The following OTOG variants were observed in gnomAD, a reference collection of about 807,000 sequenced individuals.
OTOG encodes the protein otogelin.
OTOG carries 296 observed loss-of-function variants against 313.8 expected under a neutral mutation model. The observed-to-expected ratio is 0.94, with a 90% CI of 0.86 to 1.04. The LOEUF (loss-of-function observed/expected upper bound fraction) is 1.04. OTOG is among the 50% of genes least tolerant of loss of function. The pLI, the probability that OTOG is intolerant of heterozygous loss-of-function variation, is 0.00. For synonymous variants in OTOG, 1,533 were observed against 1,554.9 expected (o/e 0.99, Z 0.33); for missense variants, 3,948 against 3,840.1 (o/e 1.03, Z -0.74).
chr11:17,547,670 A>G, intron 1 of OTOG: 1 of 990,580 alleles, frequency 1.0e-6, no homozygotes, highest in Non-Finnish European at 1.3e-6. Flanking sequence ...GAAAGAGTCC[A>G]AAGTTAGGCT....
Position 17,548,212 on chromosome 11 carries a change from G to T in OTOG, c.216G>T (p.Gln72His). 6.5e-7 allele frequency: 1 copy of T among 1,545,956 alleles called. No individual in the cohort carries two copies. The highest frequency in any genetic ancestry group is 8.7e-7 in the Non-Finnish European group (1 of 1,144,394). The change falls in exon 3 of 56, where the codon CAG becomes CAT. Residue 72 changes from glutamine to histidine, a missense_variant and splice_region_variant. Coordinates refer to ENST00000399397, the MANE Select transcript of OTOG (RefSeq NM_001292063.2). ...MGDKATVVGG[Q>H]QAEAPDSVAM... Reference sequence around the variant, plus strand: ...ACAAGGCTACAGTCGTGGGAGGCCAGGTAAGGGAGGTCTTGGGAGGGGGCT... The same window carrying T: ...ACAAGGCTACAGTCGTGGGAGGCCATGTAAGGGAGGTCTTGGGAGGGGGCT...
In OTOG at chr11:17,548,033, G is replaced by A. The variant is rs1041426693; in HGVS notation, c.155+46G>A. 7.8e-5 allele frequency: 88 copies of A among 1,130,256 alleles called. 1 individual carries two copies. Among genetic ancestry groups the A allele is most frequent in the Admixed American group, 6.3e-4 (22 of 34,972 alleles). 70.0% of individuals were successfully genotyped at this position (1,130,256 alleles called of 1,614,324 possible). A position where few individuals can be genotyped will look rare whatever the true frequency, so the allele number is the denominator to read the frequency against. On this transcript the variant is annotated intron_variant, in intron 2 of 55. Transcript: ENST00000399397. ...GCGGCCCCACCCACAGCTCCCATCCGTATTTCTGGCATCAGCGACCCCAGG... is the reference window on the plus strand; with the variant it reads ...GCGGCCCCACCCACAGCTCCCATCCATATTTCTGGCATCAGCGACCCCAGG...
At chr11:17,562,693 G>T (rs952884200) in intron 15 of OTOG, among the ~76,000 whole-genome samples, 3 of 152,194 alleles carry the variant, frequency 2.0e-5, no homozygotes, top group African/African-American at 7.2e-5. Flanking sequence ...ATCATGGAGT[G>T]GGCCTCAGTG....
intron 54 of OTOG, 115 bp from the exon 55 acceptor site, chr11:17,645,449 T>C: frequency 1.1e-6 from 1 of 944,024 alleles, no homozygotes; most frequent in Admixed American, 2.4e-5. Context: ...GCATGGGTGC[T>C]AATGCTGGAA....
At position 17,642,124 on chromosome 11, in the gene OTOG, C is replaced by T. The variant is rs1278728991; in HGVS notation, c.8296-3C>T. 1.3e-6 allele frequency: 2 copies of T among 1,540,352 alleles called. No individual in the cohort carries two copies. The highest frequency in any genetic ancestry group is 2.0e-5 in the Admixed American group (1 of 50,588). ...TCCCATTACCTACTTCTGTGCCCTC[C>T]AGCCCGGGGCATCCTGGATCGCAGA... On this transcript the variant is annotated splice_region_variant and splice_polypyrimidine_tract_variant and intron_variant, in intron 52 of 55. Coordinates refer to ENST00000399397, the MANE Select transcript of OTOG (RefSeq NM_001292063.2).
intron 7 of OTOG, 142 bp from the exon 8 acceptor site, chr11:17,556,976 G>A (rs893687134): frequency 1.9e-5 from 15 of 774,410 alleles, no homozygotes; most frequent in African/African-American, 8.7e-5. Flanking sequence ...ATACTTCCAG[G>A]CACCTGGGAA....
intron 42 of OTOG, among the ~76,000 whole-genome samples, chr11:17,633,265 G>A (rs1262447458): frequency 6.6e-6 from 1 of 152,196 alleles, no homozygotes; most frequent in Non-Finnish European, 1.5e-5. Flanking sequence ...AATCAAGAAA[G>A]TTTGAAAACA....
chr11:17,570,569 A>T, intron 17 of OTOG, 179 bp downstream of exon 17: 2 of 631,974 alleles, frequency 3.2e-6, no homozygotes, highest in South Asian at 4.3e-5. Context: ...AGCGGTTCAC[A>T]GTCCTCTATG....
chr11:17,612,114 G>T, intron 36 of OTOG, 48 bp from the exon 37 acceptor site: 2 of 1,544,014 alleles, frequency 1.3e-6, no homozygotes, highest in Non-Finnish European at 8.7e-7. Flanking sequence ...TGCAGGGTGG[G>T]CTGTAGCTCC....
chr11:17,640,967 CAGT>C lies in OTOG; in HGVS notation c.8067_8069del (p.Val2691del). The C allele has an allele frequency of 1.3e-6, 2 of 1,548,554 alleles. No homozygotes were observed. The highest frequency in any genetic ancestry group is 1.4e-5 in the African/African-American group (1 of 73,180). ...CTGGGTGTGATGCAGCCCGGCCAGA[CAGT>C]GGTGGAGCTCTCAGCAGATGGCGTG... On this transcript the variant is annotated inframe_deletion, in exon 51 of 56. Coordinates refer to ENST00000399397, the MANE Select transcript of OTOG (RefSeq NM_001292063.2).
chr11:17,559,014 G>T (rs1281105255), intron 10 of OTOG, 38 bp from the exon 11 acceptor site: 21 of 1,498,606 alleles, frequency 1.4e-5, no homozygotes, highest in Non-Finnish European at 1.8e-5. Context: ...TGGCACTTTG[G>T]GTTTTGTTCC....
chr11:17,612,033 G>A (rs866919394), intron 36 of OTOG, 129 bp from the exon 37 acceptor site: 11 of 1,131,786 alleles, frequency 9.7e-6, no homozygotes, highest in Middle Eastern at 4.0e-4. Flanking sequence ...GGGGGTGAGG[G>A]CCTCTTTCCC....
At chr11:17,598,564 C>T (rs1853167960) in intron 30 of OTOG, among the ~76,000 whole-genome samples, 1 of 152,152 alleles carries the variant, frequency 6.6e-6, no homozygotes, top group Non-Finnish European at 1.5e-5. Context: ...CAGGCCCTGG[C>T]AGGTCTATGG....
Position 17,561,083 on chromosome 11 carries a change from T to C in OTOG, c.1452-8T>C. The C allele has an allele frequency of 6.4e-7, 1 of 1,550,582 alleles. No homozygotes were observed. Among genetic ancestry groups the C allele is most frequent in the Non-Finnish European group, 8.7e-7 (1 of 1,146,968 alleles). ...TGACCTCTTGCCTCCTTGGTCTCTG[T>C]GTTTTAGCACATGCACCTCAGGCAA... is the stretch of plus-strand genomic sequence containing the variant. On this transcript the variant is annotated splice_polypyrimidine_tract_variant and splice_region_variant and intron_variant, in intron 13 of 55. Transcript: ENST00000399397.
At position 17,560,616 on chromosome 11, in the gene OTOG, A is replaced by G; in HGVS notation, c.1343-93A>G. The stretch of plus-strand genomic sequence containing the variant: ...TCGGTTCAGAGATGAAAGAAGTTAG[A>G]TAAGGGGATCTTTATCAGAGGCCCT... On this transcript the variant is annotated intron_variant, in intron 12 of 55. Coordinates refer to ENST00000399397, the MANE Select transcript of OTOG (RefSeq NM_001292063.2). 5.7e-6 allele frequency: 5 copies of G among 878,132 alleles called. No individual in the cohort carries two copies. In the South Asian group the frequency reaches 7.7e-5, roughly 14 times the overall value. 54.4% of individuals were successfully genotyped at this position (878,132 alleles called of 1,614,324 possible).
rs980878787 is a variant in OTOG, at chr11:17,561,712, C to T, written c.1549C>T (p.Arg517Trp). Reference sequence around the variant, plus strand: ...TCACTTCACAACCTTTGATGGCCGCCGGTACACGTTCCCCGCCACATGTCA... The same window carrying T: ...TCACTTCACAACCTTTGATGGCCGCTGGTACACGTTCCCCGCCACATGTCA... ...DIHFTTFDGRRYTFPATCQYI... is the reference protein window; with the variant it reads ...DIHFTTFDGRWYTFPATCQYI... The change falls in exon 15 of 56, where the codon CGG becomes TGG. Residue 517 changes from arginine (R) to tryptophan (W), a missense_variant. By Grantham distance (101) the Arg-to-Trp change is moderately radical (BLOSUM62 -3). Coordinates refer to ENST00000399397, the MANE Select transcript of OTOG (RefSeq NM_001292063.2). 152 of 1,550,494 alleles carry T rather than the reference C, an allele frequency of 9.8e-5. No individual in the cohort carries two copies. Among genetic ancestry groups the T allele is most frequent in the Non-Finnish European group, 1.1e-4 (130 of 1,146,972 alleles).
intron 39 of OTOG, among the ~76,000 whole-genome samples, chr11:17,624,515 C>A (rs1853938181): frequency 6.6e-6 from 1 of 152,032 alleles, no homozygotes; most frequent in East Asian, 1.9e-4. Context: ...GGTCTATGTG[C>A]CTGTTCTTGT....
intron 40 of OTOG, 42 bp downstream of exon 40, chr11:17,629,358 G>C: frequency 6.6e-7 from 1 of 1,510,124 alleles, no homozygotes; most frequent in East Asian, 2.5e-5. Flanking sequence ...TGCTTCCCAG[G>C]TCCACCTCTG....
chr11:17,610,134 C>G lies in OTOG; in HGVS notation c.4834C>G (p.Arg1612Gly), dbSNP rs546247260. Residue 1612 changes from arginine to glycine, a missense_variant, in exon 36 of 56, where the codon CGC becomes GGC. Physicochemically the swap from Arg to Gly is moderately radical, Grantham distance 125. Coordinates refer to ENST00000399397, the MANE Select transcript of OTOG (RefSeq NM_001292063.2). ...TVSSRSPPAP[R>G]FPLMTKAVTV... ...CTCCTCCCGGTCGCCCCCTGCCCCTCGCTTCCCGCTCATGACCAAGGCTGT... is the reference window on the plus strand; with the variant it reads ...CTCCTCCCGGTCGCCCCCTGCCCCTGGCTTCCCGCTCATGACCAAGGCTGT... The G allele has an allele frequency of 7.1e-5, 110 of 1,550,626 alleles. 2 individuals carry two copies. In the South Asian group the frequency reaches 1.2e-3, roughly 17 times the overall value.
Sources: gnomAD v4.1 joint callset for allele counts (sites outside exome capture counted in the v4.1 genomes callset) on GRCh38, gnomAD v4.1.1 for gene constraint, MANE v1.5 for transcripts, NCBI Gene and HGNC (gene_info 2026-07-23, HGNC 2026-07-21) for gene names.